The following NCOR2 variants were observed in gnomAD, a reference collection of about 807,000 sequenced individuals.
NCOR2 encodes nuclear receptor corepressor 2.
In NCOR2, 81 loss-of-function variants were observed where a neutral mutation model predicts 262.9. The ratio of observed to expected loss-of-function variants is 0.31; its 90% CI spans 0.26 to 0.37. The LOEUF (loss-of-function observed/expected upper bound fraction) is 0.37. NCOR2 is among the 10% of genes least tolerant of loss of function. The pLI is 1.00. For missense variants in NCOR2, 3,385 were observed against 3,621.4 expected, an observed-to-expected ratio of 0.93 and a Z score of 1.68; for synonymous variants, 1,659 against 1,559.3, an observed-to-expected ratio of 1.06 and a Z score of -1.51.
chr12:124,398,174 C>T (rs1364750453), exon 16 of NCOR2: 3 of 1,614,232 alleles, frequency 1.9e-6, no homozygotes, highest in Non-Finnish European at 2.5e-6. Context: ...CATTCAGCTC[C>T]ATGGAGGCTG....
At chr12:124,512,094 T>C (rs1255505342) in intron 1 of NCOR2, among the ~76,000 whole-genome samples, 2 of 152,180 alleles carry the variant, frequency 1.3e-5, no homozygotes, top group Non-Finnish European at 2.9e-5. Context: ...GTGCTTTTTG[T>C]AGAGACAGGG....
In NCOR2 at chr12:124,517,461, C is replaced by T. The variant is rs1239983562; in HGVS notation, c.-118+18104G>A. 2.6e-5 allele frequency among the ~76,000 whole-genome samples: 4 copies of T among 152,200 alleles called. No individual in the cohort carries two copies. The highest frequency in any genetic ancestry group is 3.2e-3 in the Middle Eastern group (1 of 316). Reference sequence around the variant, plus strand: ...GCCAAGTCCCTGGGCAAGCCTGGGCCGGTGGCGCTGATTTCAAACCAGACA... The same window carrying T: ...GCCAAGTCCCTGGGCAAGCCTGGGCTGGTGGCGCTGATTTCAAACCAGACA... On this transcript the variant is annotated intron_variant, in intron 1 of 46. Coordinates refer to the NCOR2 transcript ENST00000404621. This position sits in a 1 kb window ranked among gnomAD's most constrained non-coding sequence, Gnocchi z 7.6.
At chr12:124,509,358 A>G (rs1162657479) in intron 1 of NCOR2, among the ~76,000 whole-genome samples, 1 of 151,904 alleles carries the variant, frequency 6.6e-6, no homozygotes, top group Non-Finnish European at 1.5e-5. Flanking sequence ...AACTGCAATT[A>G]TTAGTCTCAG....
Position 124,548,632 on chromosome 12 carries a change from T to C in NCOR2, c.-164-13021A>G, listed in dbSNP as rs1247186230. On this transcript the variant is annotated intron_variant, in intron 1 of 32. Transcript: ENST00000458234. The surrounding 1 kb of genome is among the most constrained non-coding windows in gnomAD (Gnocchi z 5.1). ...TCTCACAATAACAGCATATTATCTT[T>C]ACTGTTCCTGTTATTTTTTTCTGTG... Among the ~76,000 whole-genome samples, 1 of 152,164 alleles carries C rather than the reference T, an allele frequency of 6.6e-6. No individual in the cohort carries two copies. The highest frequency in any genetic ancestry group is 1.9e-4 in the East Asian group (1 of 5,200).
chr12:124,360,386 C>T (rs1433590335), intron 22 of NCOR2, among the ~76,000 whole-genome samples: 3 of 152,258 alleles, frequency 2.0e-5, no homozygotes, highest in African/African-American at 7.2e-5. Context: ...GCCCTTCCTT[C>T]CACCTCCACG....
rs2045929146 is a variant in NCOR2, at chr12:124,457,305, C to T, written c.706-143G>A. On this transcript the variant is annotated intron_variant, in intron 5 of 46. Coordinates refer to ENST00000405201, the Ensembl canonical transcript of NCOR2. The surrounding 1 kb of genome is among the most constrained non-coding windows in gnomAD (Gnocchi z 4.0). ...CAGCACGGGGGAGGGAGGCCCGGGG[C>T]CCCCTGCAGGCCCTCCCCACGCTGG... is the stretch of plus-strand genomic sequence containing the variant. 2 of 867,128 alleles carry T rather than the reference C, an allele frequency of 2.3e-6. No homozygotes were observed. Among genetic ancestry groups the T allele is most frequent in the Non-Finnish European group, 1.7e-6 (1 of 591,002 alleles). 53.7% of individuals were successfully genotyped at this position (867,128 alleles called of 1,614,324 possible). A position where few individuals can be genotyped will look rare whatever the true frequency, so the allele number is the denominator to read the frequency against.
intron 4 of NCOR2, among the ~76,000 whole-genome samples, chr12:124,469,512 G>A (rs950636830): frequency 6.6e-6 from 1 of 152,136 alleles, no homozygotes; most frequent in African/African-American, 2.4e-5. Flanking sequence ...GCCAGGGAAG[G>A]TGGCCCTTCC....
chr12:124,424,856 GT>G (rs2043441450), intron 11 of NCOR2, among the ~76,000 whole-genome samples: 1 of 152,122 alleles, frequency 6.6e-6, no homozygotes, highest in Non-Finnish European at 1.5e-5. Context: ...TCTTCCCTGC[GT>G]CCCCTCCTGG....
intron 5 of NCOR2, among the ~76,000 whole-genome samples, chr12:124,465,301 C>CTGT (rs2046363839): frequency 3.3e-5 from 5 of 152,114 alleles, no homozygotes; most frequent in African/African-American, 1.2e-4. Flanking sequence ...GATCAACATC[C>CTGT]ACAGATCCTG....
intron 1 of NCOR2, among the ~76,000 whole-genome samples, chr12:124,546,782 C>A (rs1455581791): frequency 6.6e-6 from 1 of 152,020 alleles, no homozygotes; most frequent in Non-Finnish European, 1.5e-5. Context: ...GCGTCCTGTC[C>A]AGCCCAGGAC....
chr12:124,402,362 G>C (rs777867152), intron 14 of NCOR2, 42 bp downstream of exon 16: 4 of 1,609,784 alleles, frequency 2.5e-6, no homozygotes, highest in Non-Finnish European at 8.5e-7. Context: ...ACCCGGGTTG[G>C]GTCAGCGGCC....
chr12:124,388,873 G>T, intron 16 of NCOR2: 1 of 856,108 alleles, frequency 1.2e-6, no homozygotes, highest in Non-Finnish European at 1.5e-6. Flanking sequence ...GGTGAGGGAG[G>T]GAGGGAGGGA....
rs1170618452 is a variant in NCOR2 at position 124,339,626 on chromosome 12, C to CT, written c.5687+379_5687+380insA. 5.4e-5 allele frequency among the ~76,000 whole-genome samples: 5 copies of CT among 93,364 alleles called. No homozygotes were observed. The South Asian group carries it at 1.2e-3, about 21-fold the overall frequency. The allele number at this position is 93,364 out of a possible 152,430, so 61.3% of individuals were successfully genotyped here. The stretch of plus-strand genomic sequence containing the variant: ...CACTGACCCACCTACCCACCTAACC[C>CT]AACCACCTATCTGGCTAACCCGGCC... On this transcript the variant is annotated intron_variant, in intron 37 of 46. Coordinates refer to ENST00000405201, the Ensembl canonical transcript of NCOR2.
At chr12:124,347,128 G>C (rs966017432) in intron 30 of NCOR2, among the ~76,000 whole-genome samples, 2 of 152,244 alleles carry the variant, frequency 1.3e-5, no homozygotes, top group Non-Finnish European at 1.5e-5. Context: ...CAACACTCTG[G>C]GGGGCTGCGG....
In NCOR2 at chr12:124,549,221, T is replaced by G. The variant is rs141029533; in HGVS notation, c.-164-13610A>C. On this transcript the variant is annotated intron_variant, in intron 1 of 32. Coordinates refer to the NCOR2 transcript ENST00000458234. This position sits in a 1 kb window ranked among gnomAD's most constrained non-coding sequence, Gnocchi z 4.4. Reference sequence around the variant, plus strand: ...GAGATCACCGAGAGGATCAGATGAATTCACGTGGCATGTGCCGCACTGAGA... The same window carrying G: ...GAGATCACCGAGAGGATCAGATGAAGTCACGTGGCATGTGCCGCACTGAGA... Among the ~76,000 whole-genome samples the G allele has an allele frequency of 2.0e-5, 3 of 151,892 alleles. No homozygotes were observed. The East Asian group carries it at 5.8e-4, about 29-fold the overall frequency.
At chr12:124,543,306 G>A (rs1010980645) in intron 1 of NCOR2, among the ~76,000 whole-genome samples, 3 of 152,214 alleles carry the variant, frequency 2.0e-5, no homozygotes, top group African/African-American at 4.8e-5. Flanking sequence ...CACTGACACC[G>A]GGCATAGCGA....
intron 37 of NCOR2, among the ~76,000 whole-genome samples, chr12:124,339,336 T>TCCATCCATCC (rs1289115441): frequency 9.1e-5 from 12 of 132,500 alleles, no homozygotes; most frequent in South Asian, 2.6e-4. Context: ...TCCATCCATC[T>TCCATCCATCC]GGCTAACTCA....
At chr12:124,326,526 CAGCTGGGAAGCCAGGGTTGACCAG>C (rs1365742698) in intron 45 of NCOR2, among the ~76,000 whole-genome samples, 156 bp from the exon 48 acceptor site, 1 of 152,172 alleles carries the variant, frequency 6.6e-6, no homozygotes, top group Admixed American at 6.5e-5. Context: ...CTGCCCGCCC[CAGCTGGGAAGCCAGGGTTGACCAG>C]ATGGCCAGCC....
intron 5 of NCOR2, among the ~76,000 whole-genome samples, chr12:124,463,768 C>T (rs866877545): frequency 6.6e-6 from 1 of 152,230 alleles, no homozygotes; most frequent in Non-Finnish European, 1.5e-5. Flanking sequence ...GGGGGCCTCC[C>T]GCACATTAGG....
Sources: allele counts gnomAD v4.1 joint callset (sites outside exome capture counted in the v4.1 genomes callset), GRCh38; gene constraint gnomAD v4.1.1; non-coding constraint Gnocchi (gnomAD v3.1); transcripts MANE v1.5; gene names NCBI Gene and HGNC (gene_info 2026-07-23, HGNC 2026-07-21).